B3GNT2: variants seen among roughly 807,000 people sequenced by gnomAD.
The protein encoded by B3GNT2 is N-acetyllactosaminide beta-1,3-N-acetylglucosaminyltransferase 2.
B3GNT2 carries 12 observed loss-of-function variants against 27.6 expected under a neutral mutation model. That is an observed-to-expected ratio of 0.44 (90% CI 0.28 to 0.71). The LOEUF is 0.71. B3GNT2 is among the 30% of genes least tolerant of loss of function. The pLI is 0.17. For missense variants in B3GNT2, 413 were observed against 488.5 expected (o/e 0.85, Z 1.46); for synonymous variants, 192 against 189.7 (o/e 1.01, Z -0.10).
intron 1 of B3GNT2, among the ~76,000 whole-genome samples, chr2:62,221,537 T>C (rs1335588627): frequency 6.6e-6 from 1 of 151,412 alleles, no homozygotes; most frequent in Non-Finnish European, 1.5e-5. Context: ...AGAGATAGGG[T>C]CAGACATGCC....
intron 1 of B3GNT2, among the ~76,000 whole-genome samples, chr2:62,198,604 T>G (rs547965942): frequency 2.0e-5 from 3 of 152,358 alleles, no homozygotes; most frequent in African/African-American, 4.8e-5. Flanking sequence ...ATTTGCTTGT[T>G]GTTCAAAAAT....
intron 1 of B3GNT2, among the ~76,000 whole-genome samples, chr2:62,213,735 A>T (rs1420573230): frequency 6.6e-6 from 1 of 152,032 alleles, no homozygotes; most frequent in Non-Finnish European, 1.5e-5. Flanking sequence ...TTTTTCTGTT[A>T]CCCTTTAGTT....
chr2:62,203,166 G>GT (rs1243733088), intron 1 of B3GNT2, among the ~76,000 whole-genome samples: 1 of 152,164 alleles, frequency 6.6e-6, no homozygotes, highest in African/African-American at 2.4e-5. Context: ...CTTCATTAAA[G>GT]TTAGTCTTAG....
intron 1 of B3GNT2, among the ~76,000 whole-genome samples, chr2:62,198,173 A>G (rs1464194226): frequency 6.6e-6 from 1 of 152,226 alleles, no homozygotes; most frequent in Non-Finnish European, 1.5e-5. Context: ...CGGCATTTGT[A>G]TGATGAAGGC....
rs73934339 is a variant in B3GNT2, at chr2:62,224,642, T to G, written c.*1228T>G. Reference sequence around the variant, plus strand: ...TGTACTATTGTGTAACATACTTTCTTGAAATATTTTTGTTTATAGAATTGA... The same window carrying G: ...TGTACTATTGTGTAACATACTTTCTGGAAATATTTTTGTTTATAGAATTGA... On this transcript the variant is annotated 3_prime_UTR_variant, in exon 2 of 2. Transcript: ENST00000301998. 18,685 of 167,092 alleles carry G rather than the reference T, an allele frequency of 0.11. 3,454 individuals carry two copies. Among genetic ancestry groups the G allele is most frequent in the African/African-American group, 0.4 (16,757 of 41,480 alleles). 10.4% of individuals were successfully genotyped at this position (167,092 alleles called of 1,614,324 possible). A position where few individuals can be genotyped will look rare whatever the true frequency, so the allele number is the denominator to read the frequency against.
intron 1 of B3GNT2, among the ~76,000 whole-genome samples, chr2:62,218,607 G>A (rs1271858752): frequency 6.6e-6 from 1 of 152,192 alleles, no homozygotes; most frequent in Non-Finnish European, 1.5e-5. Flanking sequence ...TAACTAGAAT[G>A]TGGTTGAGCC....
At chr2:62,198,798 T>G (rs1424863917) in intron 1 of B3GNT2, among the ~76,000 whole-genome samples, 1 of 151,300 alleles carries the variant, frequency 6.6e-6, no homozygotes. Flanking sequence ...AGATATGTGG[T>G]TTTTTTTAAA....
intron 1 of B3GNT2, among the ~76,000 whole-genome samples, chr2:62,217,255 C>T (rs888483203): frequency 9.2e-5 from 14 of 152,150 alleles, no homozygotes; most frequent in Admixed American, 3.9e-4. Context: ...CGTTTGCTTC[C>T]GTGATTGTGT....
intron 1 of B3GNT2, among the ~76,000 whole-genome samples, chr2:62,214,747 G>C (rs921144671): frequency 6.6e-6 from 1 of 152,180 alleles, no homozygotes; most frequent in Admixed American, 6.5e-5. Flanking sequence ...GAGAGGTCGG[G>C]TAACTTGCCT....
chr2:62,214,409 G>C (rs919523343), intron 1 of B3GNT2, among the ~76,000 whole-genome samples: 1 of 152,228 alleles, frequency 6.6e-6, no homozygotes, highest in African/African-American at 2.4e-5. Context: ...AATGCGCAGA[G>C]CAGGAAGCAA....
At chr2:62,214,836 G>A (rs889692858) in intron 1 of B3GNT2, among the ~76,000 whole-genome samples, 8 of 152,132 alleles carry the variant, frequency 5.3e-5, no homozygotes, top group Non-Finnish European at 1.0e-4. Flanking sequence ...TGGTTTTCCA[G>A]TCTGAAAATG....
chr2:62,202,107 C>T (rs1034203620), intron 1 of B3GNT2, among the ~76,000 whole-genome samples: 1 of 152,224 alleles, frequency 6.6e-6, no homozygotes, highest in African/African-American at 2.4e-5. Flanking sequence ...TGTTCTCCGA[C>T]CAAACACGCA....
At chr2:62,208,828 G>A (rs574839101) in intron 1 of B3GNT2, among the ~76,000 whole-genome samples, 34 of 152,248 alleles carry the variant, frequency 2.2e-4, no homozygotes, top group Admixed American at 6.5e-4. Context: ...AGTGAATATG[G>A]CCCATTCTGC....
Position 62,223,815 on chromosome 2 carries a change from CTT to C in B3GNT2, c.*403_*404del. On this transcript the variant is annotated 3_prime_UTR_variant, in exon 2 of 2. Transcript: ENST00000301998. ...TTTATAAACCTATTGGCTACAAAGA[CTT>C]TGTTAAACATTATCCAGTGGTTTTC... The C allele has an allele frequency of 5.8e-6, 1 of 170,960 alleles. No individual in the cohort carries two copies. The highest frequency in any genetic ancestry group is 2.0e-4 in the South Asian group (1 of 5,022). The allele number at this position is 170,960 out of a possible 1,614,324, so 10.6% of individuals were successfully genotyped here. A position where few individuals can be genotyped will look rare whatever the true frequency, so the allele number is the denominator to read the frequency against.
At chr2:62,208,656 A>C (rs1402364850) in intron 1 of B3GNT2, among the ~76,000 whole-genome samples, 2 of 152,102 alleles carry the variant, frequency 1.3e-5, no homozygotes, top group Admixed American at 1.3e-4. Context: ...GTGTGTGTGA[A>C]ATTATCCAAG....
chr2:62,200,299 A>G (rs1674241908), intron 1 of B3GNT2, among the ~76,000 whole-genome samples: 1 of 152,208 alleles, frequency 6.6e-6, no homozygotes, highest in East Asian at 1.9e-4. Flanking sequence ...AAAAACAAAA[A>G]CCATTTTCTG....
chr2:62,219,779 C>T (rs10182572), intron 1 of B3GNT2, among the ~76,000 whole-genome samples: 38,790 of 152,028 alleles, frequency 0.26, 7,211 homozygotes, highest in African/African-American at 0.52. Flanking sequence ...GGAGTTATCA[C>T]GGAAGTCTCC....
At position 62,223,172 on chromosome 2, in the gene B3GNT2, A is replaced by G. The variant is rs746650643; in HGVS notation, c.952A>G (p.Arg318Gly). The G allele has an allele frequency of 1.2e-4, 199 of 1,614,084 alleles. No individual in the cohort carries two copies. The highest frequency in any genetic ancestry group is 1.7e-4 in the Non-Finnish European group (196 of 1,180,032). ...GFLYSGHLAL[R>G]LYHITDQVHL... ...CCTCTACTCCGGCCACCTGGCCCTG[A>G]GGCTGTACCATATCACTGACCAGGT... The change falls in exon 2 of 2, where the codon AGG (arginine) becomes GGG (glycine). Residue 318 changes from arginine to glycine, a missense_variant. Arg to Gly is a moderately radical substitution (Grantham distance 125). Coordinates refer to ENST00000301998, the MANE Select transcript of B3GNT2 (RefSeq NM_006577.6).
chr2:62,221,303 T>G (rs546044026), intron 1 of B3GNT2, among the ~76,000 whole-genome samples: 2 of 152,314 alleles, frequency 1.3e-5, no homozygotes, highest in East Asian at 3.9e-4. Context: ...TGATCATCTG[T>G]TCTGTTGATA....
Sources: allele counts gnomAD v4.1 joint callset (sites outside exome capture counted in the v4.1 genomes callset), GRCh38; gene constraint gnomAD v4.1.1; transcripts MANE v1.5; gene names NCBI Gene and HGNC (gene_info 2026-07-23, HGNC 2026-07-21).